Variants in GGCT observed in about 807,000 individuals in gnomAD.
GGCT encodes gamma-glutamylcyclotransferase, also known as cytochrome c-releasing factor 21.
In GGCT, 20 loss-of-function variants were observed where a neutral mutation model predicts 22.1. That is an observed-to-expected ratio of 0.91 (90% CI 0.64 to 1.32). The LOEUF (loss-of-function observed/expected upper bound fraction) is 1.32. Ranked by LOEUF, GGCT falls within the 40% of genes most tolerant of loss-of-function variation. The pLI, the probability that GGCT is intolerant of heterozygous loss-of-function variation, is 0.00. For missense variants in GGCT, 209 were observed against 223.5 expected (o/e 0.94, Z 0.41); for synonymous variants, 72 against 78.4 (o/e 0.92, Z 0.43).
intron 1 of GGCT, among the ~76,000 whole-genome samples, chr7:30,503,017 C>T (rs971848371): frequency 1.3e-5 from 2 of 152,220 alleles, no homozygotes; most frequent in African/African-American, 4.8e-5. Flanking sequence ...CCTTACTAAA[C>T]TCCAGCCACA....
chr7:30,504,542 G>T, intron 1 of GGCT, 27 bp downstream of exon 1: 1 of 1,612,156 alleles, frequency 6.2e-7, no homozygotes, highest in Non-Finnish European at 8.5e-7. Context: ...CGGCCCCGGC[G>T]TGGGTAGCGC....
At position 30,499,903 on chromosome 7, in the gene GGCT, T is replaced by G. The variant is rs1789660369; in HGVS notation, c.287+633A>C. Among the ~76,000 whole-genome samples, 3 of 152,142 alleles carry G rather than the reference T, an allele frequency of 2.0e-5. No individual in the cohort carries two copies. The South Asian group carries it at 6.2e-4, about 32-fold the overall frequency. On this transcript the variant is annotated intron_variant, in intron 2 of 3. Transcript: ENST00000275428. ...TGGGCTACAAAAATGGATGGTGTTCTGACAGCAAGAGAATATCCACCTAGA... is the reference window on the plus strand; with the variant it reads ...TGGGCTACAAAAATGGATGGTGTTCGGACAGCAAGAGAATATCCACCTAGA...
At chr7:30,501,682 T>A (rs1299306689) in intron 1 of GGCT, among the ~76,000 whole-genome samples, 3 of 152,252 alleles carry the variant, frequency 2.0e-5, no homozygotes, top group African/African-American at 7.2e-5. Flanking sequence ...TGTGGCTTAT[T>A]TGGTCTAGGA....
Position 30,500,680 on chromosome 7 carries a change from T to G in GGCT, c.143A>C (p.Asp48Ala). Residue 48 changes from aspartate (D) to alanine (A), a missense_variant and splice_region_variant, in exon 2 of 4, where the codon GAT becomes GCT. Coordinates refer to ENST00000275428, the MANE Select transcript of GGCT (RefSeq NM_024051.4). ...GGAATTGCCAAAGTCAAGCTTAAAA[T>G]CCTACAAAGGAAATCAAAGTGATAT... Reference protein sequence around the residue: ...AAFFCVARLQDFKLDFGNSQG... With the variant: ...AAFFCVARLQAFKLDFGNSQG... 6.2e-7 allele frequency: 1 copy of G among 1,613,394 alleles called. No individual in the cohort carries two copies.
Position 30,498,903 on chromosome 7 carries a change from A to G in GGCT, c.323T>C (p.Ile108Thr), listed in dbSNP as rs779826560. The G allele has an allele frequency of 1.9e-6, 3 of 1,613,594 alleles. No individual in the cohort carries two copies. Among genetic ancestry groups the G allele is most frequent in the Non-Finnish European group, 2.5e-6 (3 of 1,179,578 alleles). Residue 108 changes from isoleucine (I) to threonine (T), a missense_variant, in exon 3 of 4, where the codon ATA becomes ACA. By Grantham distance (89) the Ile-to-Thr change is moderately conservative. Coordinates refer to ENST00000275428, the MANE Select transcript of GGCT (RefSeq NM_024051.4). ...TTCTTGAGTTGCAACTTTAACTTCT[A>G]TTACAACATACATTCCACTTTTAAC... The part of the protein sequence containing the change: ...EGVKSGMYVV[I>T]EVKVATQEGK...
intron 1 of GGCT, among the ~76,000 whole-genome samples, chr7:30,501,507 G>C (rs1252660397): frequency 6.6e-6 from 1 of 152,122 alleles, no homozygotes; most frequent in African/African-American, 2.4e-5. Context: ...ATCTTCCTAA[G>C]GTCTTGGAAC....
chr7:30,502,387 T>C (rs1407858806), intron 1 of GGCT, among the ~76,000 whole-genome samples: 1 of 152,194 alleles, frequency 6.6e-6, no homozygotes, highest in East Asian at 1.9e-4. Context: ...CTCTATTCAT[T>C]TGGCAATTTG....
rs955673846 is a variant in GGCT at position 30,504,192 on chromosome 7, T to C, written c.141+377A>G. 2.0e-5 allele frequency among the ~76,000 whole-genome samples: 3 copies of C among 152,330 alleles called. No individual in the cohort carries two copies. The South Asian group carries it at 6.2e-4, about 32-fold the overall frequency. On this transcript the variant is annotated intron_variant, in intron 1 of 3. Coordinates refer to ENST00000275428, the MANE Select transcript of GGCT (RefSeq NM_024051.4). ...GATTTTCACAATGCCAGGTGAGAAGTGCTGTAACAAAGGTTATGTACAGAA... is the reference window on the plus strand; with the variant it reads ...GATTTTCACAATGCCAGGTGAGAAGCGCTGTAACAAAGGTTATGTACAGAA...
At chr7:30,502,421 A>G in intron 1 of GGCT, among the ~76,000 whole-genome samples, 1 of 152,130 alleles carries the variant, frequency 6.6e-6, no homozygotes, top group Non-Finnish European at 1.5e-5. Flanking sequence ...CATCCCCTCC[A>G]ATGGCTTCAA....
At chr7:30,499,427 G>A (rs1002404341) in intron 2 of GGCT, among the ~76,000 whole-genome samples, 3 of 151,402 alleles carry the variant, frequency 2.0e-5, no homozygotes, top group Non-Finnish European at 2.9e-5. Flanking sequence ...AAAAAGGCCG[G>A]GTGCAGTGGC....
Position 30,504,684 on chromosome 7 carries a change from A to G in GGCT, c.26T>C (p.Val9Ala), listed in dbSNP as rs1789790440. Residue 9 changes from valine (V) to alanine (A), a missense_variant, in exon 1 of 4, where the codon GTC becomes GCC. By Grantham distance (64) the Val-to-Ala change is moderately conservative. Transcript: ENST00000275428. ...AAAACTCTCCTCATCTGGACCCGTG[A>G]CGTCCTTGCAGCCCGAGTTGGCCAT... Reference protein sequence around the residue: MANSGCKDVTGPDEESFLY... With the variant: MANSGCKDATGPDEESFLY... 5.0e-6 allele frequency: 8 copies of G among 1,614,128 alleles called. No homozygotes were observed. In the East Asian group the frequency reaches 1.8e-4, roughly 36 times the overall value.
intron 3 of GGCT, chr7:30,497,898 T>C (rs1462934806): frequency 2.1e-6 from 3 of 1,398,776 alleles, no homozygotes; most frequent in African/African-American, 2.9e-5. Context: ...TTTCTCCACC[T>C]AGGGATGAAA....
At chr7:30,501,690 G>C (rs1789707330) in intron 1 of GGCT, among the ~76,000 whole-genome samples, 1 of 152,136 alleles carries the variant, frequency 6.6e-6, no homozygotes, top group Non-Finnish European at 1.5e-5. Flanking sequence ...ATTTGGTCTA[G>C]GAAGATTTCT....
intron 3 of GGCT, 49 bp from the exon 4 acceptor site, chr7:30,497,284 T>C (rs1239445627): frequency 2.1e-6 from 3 of 1,460,434 alleles, no homozygotes; most frequent in Admixed American, 2.0e-5. Context: ...CAGTTAGGAA[T>C]ATAATTTAAC....
intron 3 of GGCT, 67 bp from the exon 4 acceptor site, chr7:30,497,302 AC>A: frequency 8.7e-7 from 1 of 1,149,386 alleles, no homozygotes; most frequent in Non-Finnish European, 1.2e-6. Flanking sequence ...AACGTACCAT[AC>A]CACAGCTTTA....
intron 3 of GGCT, among the ~76,000 whole-genome samples, chr7:30,498,156 A>T (rs1360531310): frequency 6.8e-6 from 1 of 147,182 alleles, no homozygotes; most frequent in Non-Finnish European, 1.5e-5. Context: ...ACATCATAAA[A>T]ATGAAGCAAA....
chr7:30,504,418 G>T, intron 1 of GGCT, 151 bp downstream of exon 1: 1 of 847,252 alleles, frequency 1.2e-6, no homozygotes. Flanking sequence ...CGCAGCGGAG[G>T]AGGTGGACCC....
chr7:30,501,281 T>C (rs1468625488), intron 1 of GGCT, among the ~76,000 whole-genome samples: 3 of 152,214 alleles, frequency 2.0e-5, no homozygotes, highest in African/African-American at 4.8e-5. Flanking sequence ...GGGACGAGCA[T>C]GCCCAAAGAC....
chr7:30,497,402 C>T (rs548589817), intron 3 of GGCT, 167 bp from the exon 4 acceptor site: 317 of 513,556 alleles, frequency 6.2e-4, no homozygotes, highest in Non-Finnish European at 9.5e-4. Flanking sequence ...TCCTCTCACA[C>T]TGAGCATGAA....
Sources: allele counts gnomAD v4.1 joint callset (sites outside exome capture counted in the v4.1 genomes callset), GRCh38; gene constraint gnomAD v4.1.1; transcripts MANE v1.5; gene names NCBI Gene and HGNC (gene_info 2026-07-23, HGNC 2026-07-21).